DDX46: variants seen among roughly 807,000 people sequenced by gnomAD.
The protein encoded by DDX46 is probable ATP-dependent RNA helicase DDX46.
In DDX46, 30 loss-of-function variants were observed where a neutral mutation model predicts 134.9. The observed-to-expected ratio is 0.22, with a 90% confidence interval of 0.17 to 0.30. The LOEUF (loss-of-function observed/expected upper bound fraction) is 0.30, where lower values mean the gene tolerates loss of function less well. Ranked by LOEUF, DDX46 falls within the 10% of genes least tolerant of loss-of-function variation. The pLI, the probability that DDX46 is intolerant of heterozygous loss-of-function variation, is 1.00. For missense variants in DDX46, 622 were observed against 1,248.7 expected (o/e 0.50, Z 7.56); for synonymous variants, 415 against 404.1 (o/e 1.03, Z -0.32).
chr5:134,773,222 C>T (rs1753827645), intron 4 of DDX46, among the ~76,000 whole-genome samples: 1 of 152,154 alleles, frequency 6.6e-6, no homozygotes. Flanking sequence ...CAGACATGTA[C>T]CATGTGCCTG....
At chr5:134,798,190 GTTGT>G (rs890870582) in intron 15 of DDX46, among the ~76,000 whole-genome samples, 3 of 130,986 alleles carry the variant, frequency 2.3e-5, no homozygotes, top group Non-Finnish European at 3.4e-5. Flanking sequence ...TTTTTTTGTT[GTTGT>G]TTGTTTGTTT....
intron 5 of DDX46, among the ~76,000 whole-genome samples, chr5:134,775,067 A>G (rs1753892902): frequency 6.6e-6 from 1 of 151,860 alleles, no homozygotes; most frequent in African/African-American, 2.4e-5. Context: ...TGATCCTCCC[A>G]CTTTGGCCTC....
In DDX46 at chr5:134,817,633, A is replaced by G. The variant is rs766354492; in HGVS notation, c.2751A>G (p.Gln917=). 6.2e-7 allele frequency: 1 copy of G among 1,614,202 alleles called. No individual in the cohort carries two copies. The highest frequency in any genetic ancestry group is 1.7e-5 in the Admixed American group (1 of 60,032). Reference sequence around the variant, plus strand: ...TCAATTATGTGCCGTTAGAGAAACAAGAAGAAGAGAGACAGGATGGTGGAC... The same window carrying G: ...TCAATTATGTGCCGTTAGAGAAACAGGAAGAAGAGAGACAGGATGGTGGAC... ...AKLNYVPLEK[Q]EEERQDGGQN... The change falls in exon 20 of 23, where the codon CAA becomes CAG. Residue 917 remains glutamine (Q), a synonymous_variant. Coordinates refer to ENST00000452510, the MANE Select transcript of DDX46 (RefSeq NM_001300860.2).
chr5:134,823,291 C>T (rs1346984239), intron 21 of DDX46, among the ~76,000 whole-genome samples: 1 of 151,848 alleles, frequency 6.6e-6, no homozygotes. Context: ...AGGAACATGC[C>T]ACCATACCCA....
At chr5:134,786,663 C>T (rs539493419) in intron 11 of DDX46, among the ~76,000 whole-genome samples, 1 of 152,136 alleles carries the variant, frequency 6.6e-6, no homozygotes, top group East Asian at 1.9e-4. Flanking sequence ...GCCAACATGG[C>T]GAGACTCCCC....
chr5:134,821,041 T>G (rs1209424040), intron 21 of DDX46, among the ~76,000 whole-genome samples: 1 of 147,288 alleles, frequency 6.8e-6, no homozygotes, highest in Non-Finnish European at 1.5e-5. Flanking sequence ...TAATTTTCGT[T>G]TTTTTTTTTT....
Position 134,764,063 on chromosome 5 carries a change from A to T in DDX46, c.177A>T (p.Arg59Ser). 6.2e-7 allele frequency: 1 copy of T among 1,613,524 alleles called. No homozygotes were observed. Among genetic ancestry groups the T allele is most frequent in the African/African-American group, 1.3e-5 (1 of 75,016 alleles). ...GGTCTCGTAGCAGGGATAAAAGAAG[A>T]TCTCGGTCAAGGGACAGGAAGCGTC... The part of the protein sequence containing the change: ...RERSRSRDKR[R>S]SRSRDRKRLR... Residue 59 changes from arginine (R) to serine (S), a missense_variant, in exon 2 of 23, where the codon AGA (arginine) becomes AGT (serine). Transcript: ENST00000452510.
At chr5:134,814,605 T>C (rs1036436729) in intron 18 of DDX46, among the ~76,000 whole-genome samples, 1 of 152,168 alleles carries the variant, frequency 6.6e-6, no homozygotes, top group Non-Finnish European at 1.5e-5. Flanking sequence ...GTTGGTGTTT[T>C]CTTGGGGTTT....
chr5:134,763,368 T>C (rs1295497924), intron 1 of DDX46, among the ~76,000 whole-genome samples: 3 of 152,218 alleles, frequency 2.0e-5, no homozygotes, highest in East Asian at 3.8e-4. Context: ...GCTTCCCTGC[T>C]GTTTTTCTGA....
intron 21 of DDX46, among the ~76,000 whole-genome samples, chr5:134,820,209 C>G (rs917147624): frequency 1.9e-4 from 29 of 152,230 alleles, no homozygotes; most frequent in African/African-American, 6.5e-4. Flanking sequence ...CATGAGCCAC[C>G]GCGCCCAGCC....
chr5:134,814,091 CTA>C (rs1432251613), intron 18 of DDX46, among the ~76,000 whole-genome samples: 2 of 152,176 alleles, frequency 1.3e-5, no homozygotes, highest in African/African-American at 4.8e-5. Context: ...CAGTCTGAAA[CTA>C]TTACAGTATT....
At chr5:134,817,365 A>G (rs1186397063) in intron 19 of DDX46, 131 bp from the exon 20 acceptor site, 2 of 798,648 alleles carry the variant, frequency 2.5e-6, no homozygotes, top group Non-Finnish European at 3.9e-6. Context: ...CAATGAGACT[A>G]TGCATTAGAA....
chr5:134,788,077 T>G (rs1025926022), intron 11 of DDX46, among the ~76,000 whole-genome samples: 9 of 151,950 alleles, frequency 5.9e-5, no homozygotes, highest in African/African-American at 2.2e-4. Context: ...ATTTCATGAT[T>G]CACTAATGTG....
At chr5:134,767,695 A>G (rs1753619866) in intron 3 of DDX46, among the ~76,000 whole-genome samples, 1 of 151,654 alleles carries the variant, frequency 6.6e-6, no homozygotes, top group African/African-American at 2.4e-5. Flanking sequence ...TGACGCCTGT[A>G]ATCCTTGCAC....
intron 15 of DDX46, among the ~76,000 whole-genome samples, chr5:134,807,053 C>CT (rs766339943): frequency 0.038 from 5,277 of 140,068 alleles, 194 homozygotes; most frequent in African/African-American, 0.1. Flanking sequence ...TCTGCATTTC[C>CT]TTTTTTTTTT....
At chr5:134,787,438 T>A (rs1754372226) in intron 11 of DDX46, among the ~76,000 whole-genome samples, 2 of 152,200 alleles carry the variant, frequency 1.3e-5, no homozygotes, top group African/African-American at 4.8e-5. Context: ...TAAGTGACGT[T>A]TTCTGAACTT....
At chr5:134,777,493 TAGAG>T in intron 5 of DDX46, 77 bp from the exon 6 acceptor site, 3 of 1,512,496 alleles carry the variant, frequency 2.0e-6, no homozygotes, top group Non-Finnish European at 2.7e-6. Flanking sequence ...CAGAAAAGGT[TAGAG>T]AGGTGGGGTG....
intron 5 of DDX46, among the ~76,000 whole-genome samples, chr5:134,776,281 T>C (rs1030651448): frequency 6.6e-6 from 1 of 151,834 alleles, no homozygotes; most frequent in African/African-American, 2.4e-5. Flanking sequence ...TCCCAGCTAC[T>C]CGGGAGGCTG....
chr5:134,783,206 T>TC, intron 9 of DDX46, 141 bp downstream of exon 9: 1 of 1,181,098 alleles, frequency 8.5e-7, no homozygotes, highest in Non-Finnish European at 1.2e-6. Flanking sequence ...AATTTATATA[T>TC]CAAAATTTAC....
Sources: allele counts gnomAD v4.1 joint callset (sites outside exome capture counted in the v4.1 genomes callset), GRCh38; gene constraint gnomAD v4.1.1; transcripts MANE v1.5; gene names NCBI Gene and HGNC (gene_info 2026-07-23, HGNC 2026-07-21).